The following LIN9 variants were observed in gnomAD, a reference collection of about 807,000 sequenced individuals.
LIN9 encodes protein lin-9 homolog.
In LIN9, 18 loss-of-function variants were observed where a neutral mutation model predicts 78.0. The observed-to-expected ratio is 0.23, with a 90% CI of 0.16 to 0.34. The LOEUF (loss-of-function observed/expected upper bound fraction) is 0.34. LIN9 is among the 10% of genes least tolerant of loss of function. The probability of loss-of-function intolerance (pLI) is 1.00; values close to 1 mark genes in which losing one functional copy is unlikely to be tolerated. For synonymous variants in LIN9, 192 were observed against 215.2 expected (o/e 0.89, Z 0.94); for missense variants, 451 against 644.1 (o/e 0.70, Z 3.25).
chr1:226,243,777 A>T (rs1658273768), intron 11 of LIN9, among the ~76,000 whole-genome samples: 1 of 152,052 alleles, frequency 6.6e-6, no homozygotes, highest in African/African-American at 2.4e-5. Flanking sequence ...ACATTAAAAA[A>T]TAAATACAAA....
chr1:226,294,576 A>C (rs536578915), intron 4 of LIN9, among the ~76,000 whole-genome samples: 363 of 151,926 alleles, frequency 2.4e-3, no homozygotes, highest in Middle Eastern at 6.8e-3. Flanking sequence ...TGTCTCAAAA[A>C]AAAAAAACAA....
intron 12 of LIN9, among the ~76,000 whole-genome samples, chr1:226,234,893 AT>A (rs558971569): frequency 0.24 from 32,088 of 134,080 alleles, 3,627 homozygotes; most frequent in South Asian, 0.33. Flanking sequence ...GTTATCCTAA[AT>A]TTTTTTTTTT....
chr1:226,233,848 C>T (rs1657514790), intron 12 of LIN9, among the ~76,000 whole-genome samples: 2 of 152,090 alleles, frequency 1.3e-5, no homozygotes, highest in South Asian at 2.1e-4. Flanking sequence ...TAATTCTTCC[C>T]GTTACTAATT....
chr1:226,266,432 T>G (rs1659910545), intron 8 of LIN9, 100 bp from the exon 9 acceptor site: 1 of 892,448 alleles, frequency 1.1e-6, no homozygotes, highest in Admixed American at 3.1e-5. Flanking sequence ...TCACGCATAT[T>G]CTATGATTCA....
In LIN9 at chr1:226,295,900, T is replaced by C. The variant is rs2102656439; in HGVS notation, c.206A>G (p.Asp69Gly). The C allele has an allele frequency of 6.2e-7, 1 of 1,613,528 alleles. No homozygotes were observed. The highest frequency in any genetic ancestry group is 2.2e-5 in the East Asian group (1 of 44,846). The change falls in exon 4 of 15, where the codon GAT (aspartate) becomes GGT (glycine). Residue 69 changes from aspartate to glycine, a missense_variant. Asp to Gly is a moderately conservative substitution (Grantham distance 94, BLOSUM62 -1). Coordinates refer to ENST00000681046, the MANE Select transcript of LIN9 (RefSeq NM_001366245.2). ...AGGTGACCTTGTATTTATTTGCCTA[T>C]CATCTTCATCAGAAAAAAGTCGACT... ...KRSRLFSDED[D>G]RQINTRSPKR...
chr1:226,277,992 CT>C (rs879750346), intron 6 of LIN9, 60 bp from the exon 7 acceptor site: 1,609 of 1,309,374 alleles, frequency 1.2e-3, no homozygotes, highest in Non-Finnish European at 1.3e-3. Context: ...AACTTAAAAT[CT>C]TTTTTTTTTC....
intron 4 of LIN9, among the ~76,000 whole-genome samples, chr1:226,294,731 G>T (rs1662024117): frequency 6.6e-6 from 1 of 151,786 alleles, no homozygotes; most frequent in Non-Finnish European, 1.5e-5. Flanking sequence ...AATTGAATAA[G>T]ACAAAAATTA....
At chr1:226,301,368 T>C (rs113306537) in intron 1 of LIN9, among the ~76,000 whole-genome samples, 163 bp from the exon 2 acceptor site, 2 of 152,182 alleles carry the variant, frequency 1.3e-5, no homozygotes, top group African/African-American at 4.8e-5. Flanking sequence ...ATTCAAACTA[T>C]AAACCAGAAC....
chr1:226,291,873 A>C (rs1661814605), intron 4 of LIN9, among the ~76,000 whole-genome samples: 1 of 152,162 alleles, frequency 6.6e-6, no homozygotes, highest in Admixed American at 6.5e-5. Flanking sequence ...TTAGAAAAAT[A>C]ACTTTGTTTT....
At chr1:226,309,196 G>A (rs772580230), upstream of LIN9, 8 of 1,460,646 alleles carry the variant, frequency 5.5e-6, no homozygotes, top group African/African-American at 4.3e-5. Flanking sequence ...ATTGTGGGGC[G>A]GAGACTGTCT....
At chr1:226,240,003 AACTTTCCT>A (rs1270965939) in intron 11 of LIN9, among the ~76,000 whole-genome samples, 1 of 152,160 alleles carries the variant, frequency 6.6e-6, no homozygotes, top group Non-Finnish European at 1.5e-5. Context: ...AGGGAAAGAA[AACTTTCCT>A]AGACCTAGGG....
intron 10 of LIN9, among the ~76,000 whole-genome samples, chr1:226,260,990 A>T (rs2102896547): frequency 6.6e-6 from 1 of 152,058 alleles, no homozygotes; most frequent in Non-Finnish European, 1.5e-5. Context: ...TCAATGTTTG[A>T]AAATTAATTA....
intron 10 of LIN9, among the ~76,000 whole-genome samples, chr1:226,252,966 C>G (rs1658935037): frequency 6.6e-6 from 1 of 150,768 alleles, no homozygotes; most frequent in Admixed American, 6.6e-5. Flanking sequence ...AACACCCTCT[C>G]AAAAAAGAAA....
intron 10 of LIN9, among the ~76,000 whole-genome samples, chr1:226,251,310 C>T (rs1053761762): frequency 5.5e-4 from 84 of 151,914 alleles, no homozygotes; most frequent in African/African-American, 1.4e-3. Flanking sequence ...TCACGGCAAC[C>T]TCCGCCTCCC....
chr1:226,297,838 G>C lies in LIN9; in HGVS notation c.65-25C>G, dbSNP rs1467166991. 3 of 1,400,474 alleles carry C rather than the reference G, an allele frequency of 2.1e-6. No individual in the cohort carries two copies. In the Admixed American group the frequency reaches 7.0e-5, roughly 33 times the overall value. 86.8% of individuals were successfully genotyped at this position (1,400,474 alleles called of 1,614,324 possible). A position where few individuals can be genotyped will look rare whatever the true frequency, so the allele number is the denominator to read the frequency against. The stretch of plus-strand genomic sequence containing the variant: ...TCTGTAATAAATAGTTAATACTAAT[G>C]GAATTTTGGCTTAGTTCAAAGGATT... On this transcript the variant is annotated intron_variant, in intron 2 of 14. Transcript: ENST00000681046.
intron 1 of LIN9, among the ~76,000 whole-genome samples, chr1:226,304,289 T>C (rs1053303181): frequency 2.0e-5 from 3 of 152,200 alleles, no homozygotes; most frequent in Non-Finnish European, 2.9e-5. Context: ...AGCATGATGA[T>C]TGGGTTTTCA....
chr1:226,294,959 T>C (rs1261560490), intron 4 of LIN9, among the ~76,000 whole-genome samples: 2 of 151,756 alleles, frequency 1.3e-5, no homozygotes, highest in Non-Finnish European at 2.9e-5. Context: ...GCCACTATGC[T>C]AGCTAGTTTT....
intron 11 of LIN9, among the ~76,000 whole-genome samples, chr1:226,248,760 T>C (rs965065064): frequency 8.5e-5 from 13 of 152,160 alleles, no homozygotes; most frequent in Non-Finnish European, 1.5e-5. Flanking sequence ...TTATAACATA[T>C]GCTAACTTAA....
intron 10 of LIN9, among the ~76,000 whole-genome samples, chr1:226,264,658 C>T (rs1659804328): frequency 6.6e-6 from 1 of 152,062 alleles, no homozygotes; most frequent in African/African-American, 2.4e-5. Flanking sequence ...CCAGCCTGGC[C>T]AGCACAGTGA....
Sources: gnomAD v4.1 joint callset for allele counts (sites outside exome capture counted in the v4.1 genomes callset) on GRCh38, gnomAD v4.1.1 for gene constraint, MANE v1.5 for transcripts, NCBI Gene and HGNC (gene_info 2026-07-23, HGNC 2026-07-21) for gene names.